PLCE1: variants seen among roughly 807,000 people sequenced by gnomAD.
The protein encoded by PLCE1 is 1-phosphatidylinositol 4,5-bisphosphate phosphodiesterase epsilon-1.
In PLCE1, 119 loss-of-function variants were observed where a neutral mutation model predicts 242.8. The observed-to-expected ratio is 0.49, with a 90% CI of 0.42 to 0.57. The LOEUF is 0.57. Among genes scored for constraint, PLCE1 ranks in the 20% least tolerant of loss-of-function variants. PLCE1 has a pLI of 0.00. For missense variants in PLCE1, 2,441 were observed against 2,788.8 expected (o/e 0.88, Z 2.81); for synonymous variants, 945 against 1,017.4 (o/e 0.93, Z 1.35).
chr10:94,086,147 G>A (rs2044817234), intron 2 of PLCE1, among the ~76,000 whole-genome samples: 1 of 152,124 alleles, frequency 6.6e-6, no homozygotes, highest in Admixed American at 6.5e-5. Flanking sequence ...TAAGTGCTGT[G>A]CTGGGGAAGC....
chr10:94,017,755 G>A (rs755596116), intron 1 of PLCE1, among the ~76,000 whole-genome samples: 33 of 152,282 alleles, frequency 2.2e-4, no homozygotes, highest in South Asian at 6.2e-4. Context: ...ATCTCTATGA[G>A]ACTGGAGAGT....
chr10:94,315,237 C>T (rs2053526758), intron 28 of PLCE1: 1 of 340,530 alleles, frequency 2.9e-6, no homozygotes, highest in Non-Finnish European at 5.8e-6. Flanking sequence ...AACCTTCACT[C>T]CCACTGCCCT....
At chr10:94,206,187 G>A (rs368012145) in intron 4 of PLCE1, among the ~76,000 whole-genome samples, 28 of 152,264 alleles carry the variant, frequency 1.8e-4, no homozygotes, top group East Asian at 1.4e-3. Flanking sequence ...AAAGAAGGGA[G>A]GGTTGAGGGA....
intron 13 of PLCE1, among the ~76,000 whole-genome samples, chr10:94,261,808 A>G (rs2051307951): frequency 6.6e-6 from 1 of 152,152 alleles, no homozygotes; most frequent in Non-Finnish European, 1.5e-5. Flanking sequence ...TCTGTAAACA[A>G]ATGCTTATAT....
At chr10:93,998,144 T>G (rs1218194452) in intron 1 of PLCE1, among the ~76,000 whole-genome samples, 1 of 152,218 alleles carries the variant, frequency 6.6e-6, no homozygotes, top group Non-Finnish European at 1.5e-5. Flanking sequence ...ACTGCAAGGC[T>G]GGTCTGGGGG....
intron 4 of PLCE1, among the ~76,000 whole-genome samples, chr10:94,211,276 A>G (rs1237859967): frequency 6.6e-6 from 1 of 152,168 alleles, no homozygotes; most frequent in African/African-American, 2.4e-5. Flanking sequence ...AAGCCTGCCT[A>G]TGAAGGCCTA....
intron 30 of PLCE1, among the ~76,000 whole-genome samples, chr10:94,324,012 G>A (rs1005926479): frequency 3.9e-5 from 6 of 152,156 alleles, no homozygotes; most frequent in African/African-American, 1.4e-4. Context: ...GTGAGCGCTG[G>A]TACATGCAGA....
intron 27 of PLCE1, 25 bp downstream of exon 27, chr10:94,308,724 C>A: frequency 2.1e-6 from 3 of 1,412,790 alleles, no homozygotes; most frequent in Non-Finnish European, 3.0e-6. Context: ...TTTCACTCAA[C>A]ATATTTATGG....
At chr10:94,313,106 AT>A in intron 27 of PLCE1, 147 bp from the exon 28 acceptor site, 3 of 831,870 alleles carry the variant, frequency 3.6e-6, no homozygotes, top group Non-Finnish European at 5.9e-6. Context: ...AAGAGGTACC[AT>A]TTGTAGCACT....
At chr10:94,073,425 G>A (rs2044416905) in intron 2 of PLCE1, among the ~76,000 whole-genome samples, 1 of 152,158 alleles carries the variant, frequency 6.6e-6, no homozygotes, top group African/African-American at 2.4e-5. Context: ...TGGAAAGTGG[G>A]GCTTGAGTTA....
chr10:94,161,820 G>A (rs1485121477), intron 3 of PLCE1, among the ~76,000 whole-genome samples: 3 of 151,994 alleles, frequency 2.0e-5, no homozygotes, highest in African/African-American at 7.3e-5. Context: ...ATTATTTTGA[G>A]ATACGTCCCA....
chr10:94,179,512 G>GTTTTTTT (rs1554877545), intron 4 of PLCE1, among the ~76,000 whole-genome samples: 11 of 19,370 alleles, frequency 5.7e-4, no homozygotes, highest in South Asian at 4.7e-3. Flanking sequence ...TTTTAGTTTA[G>GTTTTTTT]TTTTTTTTTT....
At chr10:94,318,340 TATTA>T (rs2053647538) in intron 29 of PLCE1, among the ~76,000 whole-genome samples, 1 of 152,214 alleles carries the variant, frequency 6.6e-6, no homozygotes, top group African/African-American at 2.4e-5. Flanking sequence ...TGTCTTGCCT[TATTA>T]ATTAGCTACA....
chr10:94,050,864 A>C (rs1428463991), intron 2 of PLCE1, among the ~76,000 whole-genome samples: 1 of 152,202 alleles, frequency 6.6e-6, no homozygotes, highest in Non-Finnish European at 1.5e-5. Flanking sequence ...TGATTGGCAT[A>C]ACCAACTTGC....
chr10:93,994,386 C>A (rs1589825319), intron 1 of PLCE1, among the ~76,000 whole-genome samples, 128 bp downstream of exon 1: 1 of 152,328 alleles, frequency 6.6e-6, no homozygotes, highest in Admixed American at 6.5e-5. Context: ...GGAAAAGTGT[C>A]CTCGCGCTCC....
intron 4 of PLCE1, among the ~76,000 whole-genome samples, chr10:94,212,186 A>C (rs769000594): frequency 3.3e-5 from 5 of 152,138 alleles, no homozygotes; most frequent in Non-Finnish European, 5.9e-5. Context: ...TCCCAGGTTC[A>C]AACGATTCTC....
At position 94,055,440 on chromosome 10, in the gene PLCE1, C is replaced by G. The variant is rs148731496; in HGVS notation, c.1206+23188C>G. ...AAGTGATTCTCCTGCCTCTGCCTCC[C>G]AAGTAGCTGGGATTACAGGCACCCA... On this transcript the variant is annotated intron_variant, in intron 2 of 32. Transcript: ENST00000371380. 1.7e-3 allele frequency among the ~76,000 whole-genome samples: 257 copies of G among 152,042 alleles called. 1 individual carries two copies. The highest frequency in any genetic ancestry group is 2.9e-3 in the Non-Finnish European group (197 of 67,990).
chr10:94,029,819 G>A (rs180834639), intron 1 of PLCE1, among the ~76,000 whole-genome samples: 9 of 152,286 alleles, frequency 5.9e-5, no homozygotes, highest in Admixed American at 3.9e-4. Context: ...TGGCAGCAGA[G>A]CGTGACTGCT....
At chr10:94,067,381 C>T (rs941124355) in intron 2 of PLCE1, among the ~76,000 whole-genome samples, 4 of 152,170 alleles carry the variant, frequency 2.6e-5, no homozygotes, top group Non-Finnish European at 4.4e-5. Context: ...TCTGCCTTTA[C>T]TCTTGCTGCC....
Sources: gnomAD v4.1 joint callset for allele counts (sites outside exome capture counted in the v4.1 genomes callset) on GRCh38, gnomAD v4.1.1 for gene constraint, MANE v1.5 for transcripts, NCBI Gene and HGNC (gene_info 2026-07-23, HGNC 2026-07-21) for gene names.